The following MYO3A variants were observed in gnomAD, a reference collection of about 807,000 sequenced individuals.
The protein encoded by MYO3A is myosin-IIIa.
MYO3A carries 180 observed loss-of-function variants against 192.7 expected under a neutral mutation model. The ratio of observed to expected loss-of-function variants is 0.93; its 90% CI spans 0.83 to 1.06. The LOEUF is 1.06. Among genes scored for constraint, MYO3A ranks in the 50% least tolerant of loss-of-function variants. The pLI is 0.00. For missense variants in MYO3A, 1,896 were observed against 1,905.0 expected, an observed-to-expected ratio of 1.00 and a Z score of 0.09; for synonymous variants, 628 against 645.3, an observed-to-expected ratio of 0.97 and a Z score of 0.41.
intron 14 of MYO3A, among the ~76,000 whole-genome samples, chr10:26,076,677 T>C (rs1212645333): frequency 6.6e-6 from 1 of 152,120 alleles, no homozygotes; most frequent in Admixed American, 6.5e-5. Context: ...TTGTGTAAGG[T>C]GAGAGATGAG....
At chr10:26,068,565 G>T (rs1362753266) in intron 11 of MYO3A, among the ~76,000 whole-genome samples, 1 of 152,082 alleles carries the variant, frequency 6.6e-6, no homozygotes, top group Admixed American at 6.5e-5. Flanking sequence ...GACATCCTCT[G>T]TGGCTCTCAA....
chr10:26,009,055 G>A (rs572045236), intron 6 of MYO3A, among the ~76,000 whole-genome samples: 1 of 151,922 alleles, frequency 6.6e-6, no homozygotes, highest in Non-Finnish European at 1.5e-5. Context: ...GCCATAAAAA[G>A]GATGAGTTCA....
At chr10:26,147,114 C>T (rs1840510467) in intron 22 of MYO3A, among the ~76,000 whole-genome samples, 1 of 152,176 alleles carries the variant, frequency 6.6e-6, no homozygotes, top group South Asian at 2.1e-4. Flanking sequence ...AATATGCTTC[C>T]TTTATGCTGC....
At chr10:25,962,088 CT>C (rs1210532978) in intron 4 of MYO3A, among the ~76,000 whole-genome samples, 13 of 152,096 alleles carry the variant, frequency 8.5e-5, no homozygotes, top group Non-Finnish European at 1.9e-4. Flanking sequence ...CTGTGAGATG[CT>C]TTTCACAACG....
chr10:26,081,905 TCA>T (rs60417783), intron 14 of MYO3A, among the ~76,000 whole-genome samples: 47,110 of 151,970 alleles, frequency 0.31, 7,550 homozygotes, highest in Middle Eastern at 0.44. Context: ...GTTGGGACAC[TCA>T]CAGTATTTGG....
intron 20 of MYO3A, among the ~76,000 whole-genome samples, chr10:26,129,568 C>T (rs545447539): frequency 6.6e-6 from 1 of 152,156 alleles, no homozygotes; most frequent in Non-Finnish European, 1.5e-5. Context: ...CTCTCTTTTC[C>T]CCTCACAGCC....
intron 2 of MYO3A, among the ~76,000 whole-genome samples, chr10:25,937,386 G>T (rs1318592376): frequency 2.7e-5 from 4 of 148,898 alleles, no homozygotes; most frequent in African/African-American, 1.0e-4. Flanking sequence ...AACTTGAACG[G>T]TTAATTATAT....
rs61731652 is a variant in MYO3A at position 26,026,528 on chromosome 10, G to C, written c.949G>C (p.Ala317Pro). 865 of 1,614,022 alleles carry C rather than the reference G, an allele frequency of 5.4e-4. 3 individuals are homozygous for C. The African/African-American group carries it at 0.01, about 19-fold the overall frequency. Residue 317 changes from alanine to proline, a missense_variant, in exon 10 of 35, where the codon GCC becomes CCC. Physicochemically the swap from Ala to Pro is conservative, Grantham distance 27. Coordinates refer to ENST00000642920, the MANE Select transcript of MYO3A (RefSeq NM_017433.5). The part of the protein sequence containing the change: ...IHQCMGGTEK[A>P]RRERIHTKKG... ...TCAATGCATGGGAGGCACAGAAAAG[G>C]CCAGGTAATCAAATAATATCTTGAT...
intron 4 of MYO3A, among the ~76,000 whole-genome samples, chr10:25,969,401 CTG>C (rs1466106869): frequency 6.6e-6 from 1 of 152,162 alleles, no homozygotes; most frequent in Non-Finnish European, 1.5e-5. Context: ...GCAGTACTAT[CTG>C]TGGTTTTGGG....
At chr10:26,041,314 G>C (rs1230162000) in intron 10 of MYO3A, among the ~76,000 whole-genome samples, 1 of 151,480 alleles carries the variant, frequency 6.6e-6, no homozygotes, top group Non-Finnish European at 1.5e-5. Context: ...GTAAGCAACA[G>C]ATCATTTGGT....
intron 31 of MYO3A, among the ~76,000 whole-genome samples, chr10:26,186,835 G>A (rs868794607): frequency 2.0e-5 from 3 of 151,984 alleles, no homozygotes; most frequent in Non-Finnish European, 2.9e-5. Flanking sequence ...AGTCTATCAT[G>A]TGTCTTTTGA....
At chr10:26,156,801 C>T (rs539108872) in intron 25 of MYO3A, among the ~76,000 whole-genome samples, 2 of 152,234 alleles carry the variant, frequency 1.3e-5, no homozygotes, top group African/African-American at 4.8e-5. Context: ...AGGTATTAAG[C>T]CCAGTACCCG....
chr10:26,116,370 G>A (rs764851425), intron 17 of MYO3A, among the ~76,000 whole-genome samples: 16 of 152,158 alleles, frequency 1.1e-4, no homozygotes, highest in Non-Finnish European at 2.2e-4. Flanking sequence ...TTCTCCTTGT[G>A]TGTGTCTGTC....
At chr10:25,982,431 T>C (rs1459709317) in intron 4 of MYO3A, among the ~76,000 whole-genome samples, 2 of 152,098 alleles carry the variant, frequency 1.3e-5, no homozygotes, top group South Asian at 4.2e-4. Context: ...TTGCATGCTC[T>C]CTATAGGACT....
intron 20 of MYO3A, among the ~76,000 whole-genome samples, chr10:26,132,614 A>G (rs558504322): frequency 4.6e-4 from 70 of 152,270 alleles, no homozygotes; most frequent in Non-Finnish European, 9.4e-4. Context: ...TGTATTTTGG[A>G]TAAGCTTTCT....
At chr10:25,956,119 G>A (rs990747807) in intron 4 of MYO3A, among the ~76,000 whole-genome samples, 2 of 152,114 alleles carry the variant, frequency 1.3e-5, no homozygotes, top group South Asian at 2.1e-4. Context: ...CCAACACTGT[G>A]TGGAGCGTCT....
intron 1 of MYO3A, among the ~76,000 whole-genome samples, chr10:25,934,705 G>A (rs1179091890): frequency 6.6e-6 from 1 of 151,646 alleles, no homozygotes; most frequent in African/African-American, 2.4e-5. Context: ...GTGAACCTGA[G>A]GGGTGGACTT....
At chr10:26,209,202 C>T (rs543223809) in intron 34 of MYO3A, among the ~76,000 whole-genome samples, 3 of 152,304 alleles carry the variant, frequency 2.0e-5, no homozygotes, top group South Asian at 2.1e-4. Flanking sequence ...TTTCCACCCT[C>T]CTAGCTAAAG....
At chr10:25,939,787 A>AT (rs1283017196) in intron 2 of MYO3A, among the ~76,000 whole-genome samples, 2 of 151,874 alleles carry the variant, frequency 1.3e-5, no homozygotes, top group African/African-American at 4.8e-5. Flanking sequence ...CCTTACAAAC[A>AT]TTTTTTTGTT....
Sources: gnomAD v4.1 joint callset for allele counts (sites outside exome capture counted in the v4.1 genomes callset) on GRCh38, gnomAD v4.1.1 for gene constraint, MANE v1.5 for transcripts, NCBI Gene and HGNC (gene_info 2026-07-23, HGNC 2026-07-21) for gene names.